CHN1: variants seen among roughly 807,000 people sequenced by gnomAD.
CHN1 encodes N-chimaerin.
CHN1 carries 37 observed loss-of-function variants against 59.5 expected under a neutral mutation model. The observed-to-expected ratio is 0.62, with a 90% CI of 0.48 to 0.82. The LOEUF (loss-of-function observed/expected upper bound fraction) is 0.82, where lower values mean the gene tolerates loss of function less well. Ranked by LOEUF, CHN1 falls within the 40% of genes least tolerant of loss-of-function variation. The pLI, the probability that CHN1 is intolerant of heterozygous loss-of-function variation, is 0.00. For synonymous variants in CHN1, 206 were observed against 200.4 expected, an observed-to-expected ratio of 1.03 and a Z score of -0.24; for missense variants, 469 against 571.0, an observed-to-expected ratio of 0.82 and a Z score of 1.82.
In CHN1 at chr2:174,812,564, G is replaced by C; in HGVS notation, c.713-82C>G. 4 of 1,341,444 alleles carry C rather than the reference G, an allele frequency of 3.0e-6. No homozygotes were observed. The South Asian group carries it at 3.8e-5, about 13-fold the overall frequency. 83.1% of individuals were successfully genotyped at this position (1,341,444 alleles called of 1,614,324 possible). ...TCTGGAGTGTTAATTTTAGCAAAAG[G>C]CACTCCAGCTTGAATTAGGTTTTAA... On this transcript the variant is annotated intron_variant, in intron 8 of 12. Coordinates refer to ENST00000409900, the MANE Select transcript of CHN1 (RefSeq NM_001822.7).
intron 1 of CHN1, among the ~76,000 whole-genome samples, chr2:174,994,460 T>C (rs900582257): frequency 6.6e-5 from 10 of 152,200 alleles, no homozygotes; most frequent in African/African-American, 2.2e-4. Flanking sequence ...GTAGCTGGTA[T>C]GCAGCAGACA....
chr2:174,890,452 A>T (rs1009589413), intron 5 of CHN1, among the ~76,000 whole-genome samples: 1 of 152,148 alleles, frequency 6.6e-6, no homozygotes, highest in Non-Finnish European at 1.5e-5. Context: ...CAGCTACTCA[A>T]GAGGCTGAGG....
intron 1 of CHN1, among the ~76,000 whole-genome samples, chr2:174,995,180 A>G (rs762539224): frequency 3.9e-5 from 6 of 152,198 alleles, no homozygotes; most frequent in Non-Finnish European, 8.8e-5. Flanking sequence ...TCCTTGATAA[A>G]TTTTAAGCGT....
At chr2:174,885,292 A>G (rs1167702571) in intron 5 of CHN1, among the ~76,000 whole-genome samples, 2 of 148,298 alleles carry the variant, frequency 1.3e-5, no homozygotes, top group Non-Finnish European at 3.0e-5. Context: ...AGAAAAAAAA[A>G]TATATATATA....
chr2:174,930,236 A>AG (rs779513571), intron 3 of CHN1, among the ~76,000 whole-genome samples: 25 of 152,224 alleles, frequency 1.6e-4, no homozygotes, highest in Admixed American at 3.9e-4. Flanking sequence ...TGGATATGTC[A>AG]GGTGAGACAC....
In CHN1 at chr2:174,805,750, CA is replaced by C. The variant is rs1684865237; in HGVS notation, c.1102+3154del. ...TCTACAGTATGTCTAGTTAATTTTACACAGAGAAACTTGAATACAAGAAGAT... is the reference window on the plus strand; with the variant it reads ...TCTACAGTATGTCTAGTTAATTTTACCAGAGAAACTTGAATACAAGAAGAT... On this transcript the variant is annotated intron_variant, in intron 11 of 12. Transcript: ENST00000409900. Among the ~76,000 whole-genome samples the C allele has an allele frequency of 2.0e-5, 3 of 152,312 alleles. No homozygotes were observed. In the South Asian group the frequency reaches 6.2e-4, roughly 32 times the overall value.
At chr2:174,859,063 T>C (rs1686993223) in intron 6 of CHN1, among the ~76,000 whole-genome samples, 4 of 150,090 alleles carry the variant, frequency 2.7e-5, no homozygotes, top group Non-Finnish European at 1.5e-5. Context: ...CAATTGAAGA[T>C]TTTAGGTTGA....
intron 1 of CHN1, among the ~76,000 whole-genome samples, chr2:174,982,949 A>C (rs945468362): frequency 5.9e-5 from 9 of 152,132 alleles, no homozygotes; most frequent in African/African-American, 2.2e-4. Context: ...ATTCTAATGA[A>C]GACTCTAGTA....
rs111977060 is a variant in CHN1 at position 174,954,190 on chromosome 2, G to A, written c.20-1988C>T. On this transcript the variant is annotated intron_variant, in intron 1 of 12. Coordinates refer to ENST00000409900, the MANE Select transcript of CHN1 (RefSeq NM_001822.7). ...CAAAGCAAACAAAAACATTAAGTGG[G>A]GAAAGGATACCCTAATTCAACAAAT... 3.8e-3 allele frequency among the ~76,000 whole-genome samples: 578 copies of A among 152,200 alleles called. 6 individuals are homozygous for A. Among genetic ancestry groups the A allele is most frequent in the African/African-American group, 0.013 (552 of 41,542 alleles).
intron 8 of CHN1, among the ~76,000 whole-genome samples, chr2:174,822,471 T>G (rs1430200773): frequency 6.6e-6 from 1 of 152,216 alleles, no homozygotes; most frequent in Non-Finnish European, 1.5e-5. Flanking sequence ...TAGTTAAGAA[T>G]TCTTATGTAG....
chr2:174,986,156 G>A (rs560870695), intron 1 of CHN1, among the ~76,000 whole-genome samples: 1 of 152,084 alleles, frequency 6.6e-6, no homozygotes, highest in Non-Finnish European at 1.5e-5. Context: ...ATGCCACAGA[G>A]ATATATTATG....
Position 174,877,886 on chromosome 2 carries a change from T to C in CHN1, c.503A>G (p.His168Arg), listed in dbSNP as rs781203325. Residue 168 changes from histidine (H) to arginine (R), a missense_variant, in exon 6 of 13, where the codon CAT (histidine) becomes CGT (arginine). His to Arg is a conservative substitution (Grantham distance 29). This residue lies in a region of CHN1 where 81 missense variants were observed against 71.7 expected (regional missense o/e 1.13). Coordinates refer to ENST00000409900, the MANE Select transcript of CHN1 (RefSeq NM_001822.7). ...CTGGCCTGTAGAATCTCTCTCATCA[T>C]GTGTCTCTTTCAGGACTGGCATATG... ...KKHMPVLKET[H>R]DERDSTGQDG... 2 of 1,613,862 alleles carry C rather than the reference T, an allele frequency of 1.2e-6. No homozygotes were observed. The highest frequency in any genetic ancestry group is 1.7e-5 in the Admixed American group (1 of 60,016).
At chr2:174,858,186 A>C (rs1686964456) in intron 6 of CHN1, among the ~76,000 whole-genome samples, 1 of 152,160 alleles carries the variant, frequency 6.6e-6, no homozygotes, top group South Asian at 2.1e-4. Context: ...TGGTTATTTT[A>C]AAAAGGGCCT....
At chr2:174,948,919 T>C (rs1459249193) in intron 2 of CHN1, among the ~76,000 whole-genome samples, 1 of 152,232 alleles carries the variant, frequency 6.6e-6, no homozygotes, top group Non-Finnish European at 1.5e-5. Context: ...TCCCAAAGAC[T>C]ATTAGTAGAA....
At chr2:174,907,676 A>G (rs1688581354) in intron 5 of CHN1, among the ~76,000 whole-genome samples, 1 of 150,736 alleles carries the variant, frequency 6.6e-6, no homozygotes, top group Admixed American at 6.6e-5. Context: ...AAATCAGGTA[A>G]CTCAAAAAAT....
chr2:174,967,317 T>C (rs952075367), intron 1 of CHN1, among the ~76,000 whole-genome samples: 4 of 152,060 alleles, frequency 2.6e-5, no homozygotes, highest in South Asian at 2.1e-4. Flanking sequence ...GACGACATCA[T>C]TGCACTCTAG....
chr2:174,979,805 C>T (rs1392592275), intron 1 of CHN1, among the ~76,000 whole-genome samples: 3 of 151,964 alleles, frequency 2.0e-5, no homozygotes, highest in Non-Finnish European at 4.4e-5. Context: ...TGCTTGAACC[C>T]GGGAGGTAGA....
In CHN1 at chr2:174,955,481, G is replaced by C. The variant is rs1690177759; in HGVS notation, c.20-3279C>G. On this transcript the variant is annotated intron_variant, in intron 1 of 12. Coordinates refer to ENST00000409900, the MANE Select transcript of CHN1 (RefSeq NM_001822.7). ...AATGATACAATGGACTTTGGGGAGT[G>C]AGGGGAAAGGATGGACGGGGAGAGG... is the stretch of plus-strand genomic sequence containing the variant. 2.6e-5 allele frequency among the ~76,000 whole-genome samples: 4 copies of C among 151,948 alleles called. No homozygotes were observed. The South Asian group carries it at 8.3e-4, about 32-fold the overall frequency.
At chr2:174,878,253 G>C in intron 5 of CHN1, 125 bp from the exon 6 acceptor site, 3 of 834,442 alleles carry the variant, frequency 3.6e-6, no homozygotes, top group East Asian at 5.4e-5. Flanking sequence ...GTTTAAATAA[G>C]CTGTGGCTAA....
Sources: gnomAD v4.1 joint callset for allele counts (sites outside exome capture counted in the v4.1 genomes callset) on GRCh38, gnomAD v4.1.1 for gene constraint, gnomAD v4.1.1 regional missense constraint, MANE v1.5 for transcripts, NCBI Gene and HGNC (gene_info 2026-07-23, HGNC 2026-07-21) for gene names.